KAT6A: variants seen among roughly 807,000 people sequenced by gnomAD.
KAT6A encodes histone acetyltransferase KAT6A.
KAT6A carries 9 observed loss-of-function variants against 198.4 expected under a neutral mutation model. The ratio of observed to expected loss-of-function variants is 0.05; its 90% confidence interval spans 0.03 to 0.08. The LOEUF is 0.08. KAT6A is among the 10% of genes least tolerant of loss of function. The pLI, the probability that KAT6A is intolerant of heterozygous loss-of-function variation, is 1.00. For missense variants in KAT6A, 2,077 were observed against 2,509.9 expected, an observed-to-expected ratio of 0.83 and a Z score of 3.69; for synonymous variants, 890 against 883.0, an observed-to-expected ratio of 1.01 and a Z score of -0.14.
At position 42,048,491 on chromosome 8, in the gene KAT6A, C is replaced by T; in HGVS notation, c.487G>A (p.Asp163Asn). Residue 163 changes from aspartate to asparagine, a missense_variant, in exon 2 of 17, where the codon GAT (aspartate) becomes AAT (asparagine). This residue lies in a region of KAT6A where 185 missense variants were observed against 185.7 expected (regional missense o/e 1.00). Coordinates refer to ENST00000265713, the MANE Select transcript of KAT6A (RefSeq NM_006766.5). ...GTGTTGAGCCGATAAAGAGGTCCATCTTTAAGGAGTCTGCCGTGGCCAATG... is the reference window on the plus strand; with the variant it reads ...GTGTTGAGCCGATAAAGAGGTCCATTTTTAAGGAGTCTGCCGTGGCCAATG... Reference protein sequence around the residue: ...RAIGHGRLLKDGPLYRLNTKA... With the variant: ...RAIGHGRLLKNGPLYRLNTKA... 2 of 1,614,160 alleles carry T rather than the reference C, an allele frequency of 1.2e-6. No individual in the cohort carries two copies. Among genetic ancestry groups the T allele is most frequent in the Non-Finnish European group, 1.7e-6 (2 of 1,180,012 alleles).
chr8:41,949,680 G>A (rs1029651232), intron 9 of KAT6A, among the ~76,000 whole-genome samples: 1 of 152,146 alleles, frequency 6.6e-6, no homozygotes, highest in Non-Finnish European at 1.5e-5. Context: ...AAAAATGTTT[G>A]ATTTGTGTGA....
At position 42,036,852 on chromosome 8, in the gene KAT6A, G is replaced by A. The variant is rs192229162; in HGVS notation, c.600+11526C>T. ...GGAAGATTAGAGTAGTTATAGCCAG[G>A]GAGGACAATAAAACAGAATGTACAT... On this transcript the variant is annotated intron_variant, in intron 2 of 16. Transcript: ENST00000265713. Among the ~76,000 whole-genome samples the A allele has an allele frequency of 4.6e-5, 7 of 152,302 alleles. No individual in the cohort carries two copies. In the East Asian group the frequency reaches 1.4e-3, roughly 29 times the overall value.
chr8:41,934,419 C>G lies in KAT6A; in HGVS notation c.3801G>C (p.Glu1267Asp), dbSNP rs555349616. 28 of 1,611,616 alleles carry G rather than the reference C, an allele frequency of 1.7e-5. No individual in the cohort carries two copies. The highest frequency in any genetic ancestry group is 2.3e-5 in the Non-Finnish European group (27 of 1,178,678). The change falls in exon 17 of 17, where the codon GAG becomes GAC. Residue 1267 changes from glutamate to aspartate, a missense_variant. By Grantham distance (45) the Glu-to-Asp change is conservative (BLOSUM62 2). Transcript: ENST00000265713. ...TCTCTTCTTCCTCCTCCACCTCAGG[C>G]TCCTTGGTTTCGGTCTCAGGACTAT... ...SSNSPETETKEPEVEEEEEKP... is the reference protein window; with the variant it reads ...SSNSPETETKDPEVEEEEEKP...
intron 16 of KAT6A, among the ~76,000 whole-genome samples, chr8:41,935,155 T>C (rs1821785401): frequency 6.6e-6 from 1 of 152,222 alleles, no homozygotes; most frequent in South Asian, 2.1e-4. Context: ...TGCATGTCTG[T>C]GGGAAGTTAC....
Position 41,932,768 on chromosome 8 carries a change from A to G in KAT6A, c.5452T>C (p.Ser1818Pro), listed in dbSNP as rs550545795. ...ATMTPPPNLA[S>P]TTMNLTSPLL... ...GGAGATGTGAGGTTCATGGTAGTGG[A>G]TGCCAAGTTTGGGGGTGGCGTCATG... The change falls in exon 17 of 17, where the codon TCC becomes CCC. Residue 1818 changes from serine (S) to proline (P), a missense_variant. Ser to Pro is a moderately conservative substitution (Grantham distance 74). Around this residue, in one of 13 missense-constraint regions of KAT6A, gnomAD observed 500 missense variants for 577.2 expected, o/e 0.87. Transcript: ENST00000265713. The G allele has an allele frequency of 1.2e-6, 2 of 1,614,228 alleles. No individual in the cohort carries two copies. Among genetic ancestry groups the G allele is most frequent in the South Asian group, 2.2e-5 (2 of 91,088 alleles).
At chr8:42,033,464 T>C (rs868540354) in intron 2 of KAT6A, among the ~76,000 whole-genome samples, 6 of 152,184 alleles carry the variant, frequency 3.9e-5, no homozygotes, top group Non-Finnish European at 7.3e-5. Flanking sequence ...AAGTTAGACA[T>C]GTGATTTTTA....
chr8:41,968,824 A>C (rs1416017271), intron 8 of KAT6A, among the ~76,000 whole-genome samples: 1 of 152,150 alleles, frequency 6.6e-6, no homozygotes, highest in Non-Finnish European at 1.5e-5. Flanking sequence ...GCTCTTTTTC[A>C]TGGAAGTGTA....
chr8:42,000,265 T>C (rs1406912019), intron 2 of KAT6A, among the ~76,000 whole-genome samples: 1 of 152,200 alleles, frequency 6.6e-6, no homozygotes. Flanking sequence ...ACAGAAGTGA[T>C]GGTTGCCAGG....
chr8:42,002,084 G>T (rs1444840499), intron 2 of KAT6A, among the ~76,000 whole-genome samples: 1 of 152,076 alleles, frequency 6.6e-6, no homozygotes, highest in Non-Finnish European at 1.5e-5. Flanking sequence ...TTAATCACAA[G>T]CACTGTTCTA....
Position 42,047,365 on chromosome 8 carries a change from A to G in KAT6A, c.600+1013T>C, listed in dbSNP as rs368397114. Among the ~76,000 whole-genome samples, 23 of 152,306 alleles carry G rather than the reference A, an allele frequency of 1.5e-4. 1 individual carries two copies. The highest frequency in any genetic ancestry group is 5.5e-4 in the African/African-American group (23 of 41,566). ...TATATACAATAACATCCTAAAACACAACAGAGTAAAGTACACATCTGGGCA... is the reference window on the plus strand; with the variant it reads ...TATATACAATAACATCCTAAAACACGACAGAGTAAAGTACACATCTGGGCA... On this transcript the variant is annotated intron_variant, in intron 2 of 16. Coordinates refer to ENST00000265713, the MANE Select transcript of KAT6A (RefSeq NM_006766.5).
intron 2 of KAT6A, among the ~76,000 whole-genome samples, chr8:42,001,387 T>C (rs1204567656): frequency 6.6e-6 from 1 of 152,090 alleles, no homozygotes; most frequent in African/African-American, 2.4e-5. Flanking sequence ...AGACAAGGCA[T>C]TGAGAGGGTC....
chr8:42,008,257 C>T (rs116547476), intron 2 of KAT6A, among the ~76,000 whole-genome samples: 1,809 of 152,242 alleles, frequency 0.012, 33 homozygotes, highest in African/African-American at 0.042. Context: ...ACTCACAAAG[C>T]TCCCCTCATT....
At chr8:41,997,991 C>G (rs1038737490) in intron 2 of KAT6A, among the ~76,000 whole-genome samples, 2 of 151,992 alleles carry the variant, frequency 1.3e-5, no homozygotes, top group African/African-American at 4.8e-5. Context: ...TGAAGGAAAC[C>G]AAAATGATGC....
chr8:41,943,458 T>C lies in KAT6A; in HGVS notation c.2228+290A>G, dbSNP rs545148543. ...CTGTTTCTAGAGTGGTTACTTCTTG[T>C]ATTGTGAAAGAGCTCCCAATACTAG... is the stretch of plus-strand genomic sequence containing the variant. On this transcript the variant is annotated intron_variant, in intron 13 of 16. Coordinates refer to ENST00000265713, the MANE Select transcript of KAT6A (RefSeq NM_006766.5). Among the ~76,000 whole-genome samples, 3 of 152,292 alleles carry C rather than the reference T, an allele frequency of 2.0e-5. No homozygotes were observed. The South Asian group carries it at 6.2e-4, about 32-fold the overall frequency.
At chr8:42,000,715 T>G (rs1825454951) in intron 2 of KAT6A, among the ~76,000 whole-genome samples, 1 of 152,222 alleles carries the variant, frequency 6.6e-6, no homozygotes, top group South Asian at 2.1e-4. Context: ...CATCATTTTC[T>G]TCAAGACCTA....
intron 2 of KAT6A, among the ~76,000 whole-genome samples, chr8:42,013,292 T>C (rs1329423300): frequency 6.6e-6 from 1 of 151,336 alleles, no homozygotes; most frequent in Admixed American, 6.6e-5. Flanking sequence ...AGTCTCGCTC[T>C]GTTGCCAGGC....
At chr8:42,013,194 T>C (rs1359181327) in intron 2 of KAT6A, among the ~76,000 whole-genome samples, 2 of 151,806 alleles carry the variant, frequency 1.3e-5, no homozygotes, top group African/African-American at 2.4e-5. Context: ...CATTATTGCA[T>C]GTAAATTTAT....
rs530776942 is a variant in KAT6A at position 42,049,494 on chromosome 8, G to GA, written c.-325-193dup. On this transcript the variant is annotated intron_variant, in intron 1 of 16. Coordinates refer to ENST00000265713, the MANE Select transcript of KAT6A (RefSeq NM_006766.5). ...GGATAAAAAAGAAAAAAAAAGAAAAGAAAAAAAAAAGATGAGTAATTAGGA... is the reference window on the plus strand; with the variant it reads ...GGATAAAAAAGAAAAAAAAAGAAAAGAAAAAAAAAAAGATGAGTAATTAGGA... The GA allele has an allele frequency of 3.0e-3, 482 of 158,500 alleles. 1 individual carries two copies. The highest frequency in any genetic ancestry group is 0.019 in the Middle Eastern group (7 of 372). 9.8% of individuals were successfully genotyped at this position (158,500 alleles called of 1,614,324 possible).
intron 9 of KAT6A, among the ~76,000 whole-genome samples, chr8:41,951,977 C>T (rs1301767211): frequency 6.6e-6 from 1 of 152,162 alleles, no homozygotes; most frequent in Non-Finnish European, 1.5e-5. Context: ...AGTTCTGCCA[C>T]TTATACACTG....
Sources: gnomAD v4.1 joint callset for allele counts (sites outside exome capture counted in the v4.1 genomes callset) on GRCh38, gnomAD v4.1.1 for gene constraint, gnomAD v4.1.1 regional missense constraint, MANE v1.5 for transcripts, NCBI Gene and HGNC (gene_info 2026-07-23, HGNC 2026-07-21) for gene names.